HERPUD2: variants seen among roughly 807,000 people sequenced by gnomAD.
HERPUD2 encodes the protein homocysteine-responsive endoplasmic reticulum-resident ubiquitin-like domain member 2 protein.
Under a neutral mutation model 49.9 loss-of-function variants are expected in HERPUD2, and 13 were observed. That is an observed-to-expected ratio of 0.26 (90% CI 0.17 to 0.41). The LOEUF (loss-of-function observed/expected upper bound fraction) is 0.41, where lower values mean the gene tolerates loss of function less well. HERPUD2 is among the 10% of genes least tolerant of loss of function. The pLI, the probability that HERPUD2 is intolerant of heterozygous loss-of-function variation, is 1.00. For missense variants in HERPUD2, 449 were observed against 492.2 expected (o/e 0.91, Z 0.83); for synonymous variants, 172 against 171.4 (o/e 1.00, Z -0.03).
chr7:35,691,158 A>G (rs1786175182), intron 2 of HERPUD2, among the ~76,000 whole-genome samples: 1 of 152,232 alleles, frequency 6.6e-6, no homozygotes, highest in Non-Finnish European at 1.5e-5. Flanking sequence ...ATATAAATAA[A>G]TGAAGACCCA....
chr7:35,686,527 G>A (rs183063592), intron 2 of HERPUD2, among the ~76,000 whole-genome samples: 168 of 145,392 alleles, frequency 1.2e-3, no homozygotes, highest in African/African-American at 4.1e-3. Flanking sequence ...ATTTCCACCC[G>A]GCTAAAACGG....
chr7:35,638,241 C>T, intron 6 of HERPUD2, 109 bp downstream of exon 6: 1 of 1,116,874 alleles, frequency 9.0e-7, no homozygotes. Context: ...GTCAAAACAA[C>T]ATTAAATACA....
chr7:35,684,550 GACT>G (rs1785990265), intron 2 of HERPUD2, among the ~76,000 whole-genome samples: 1 of 152,032 alleles, frequency 6.6e-6, no homozygotes, highest in Non-Finnish European at 1.5e-5. Context: ...ATATGTGACG[GACT>G]ACTACTCAGC....
At chr7:35,688,895 G>A (rs62454606) in intron 2 of HERPUD2, among the ~76,000 whole-genome samples, 25,658 of 151,614 alleles carry the variant, frequency 0.17, 2,685 homozygotes, top group Non-Finnish European at 0.23. Context: ...ACCAAGCCTC[G>A]GTTTCTTCAT....
At chr7:35,636,699 G>A (rs186823477) in intron 6 of HERPUD2, among the ~76,000 whole-genome samples, 2 of 152,294 alleles carry the variant, frequency 1.3e-5, no homozygotes, top group East Asian at 3.9e-4. Context: ...CTTAGGATAC[G>A]AGGTTCATAA....
chr7:35,668,380 T>C (rs1209704150), intron 4 of HERPUD2, among the ~76,000 whole-genome samples: 26 of 152,212 alleles, frequency 1.7e-4, no homozygotes, highest in Admixed American at 1.7e-3. Flanking sequence ...TATAACTCCC[T>C]GAAGACCATC....
At chr7:35,691,251 G>A (rs186012457) in intron 2 of HERPUD2, among the ~76,000 whole-genome samples, 1 of 152,152 alleles carries the variant, frequency 6.6e-6, no homozygotes, top group Non-Finnish European at 1.5e-5. Context: ...TACCCATATG[G>A]AGACTGTGAT....
chr7:35,646,396 TA>T (rs376668191), intron 5 of HERPUD2, among the ~76,000 whole-genome samples: 138 of 146,774 alleles, frequency 9.4e-4, no homozygotes, highest in African/African-American at 2.5e-3. Flanking sequence ...ACCCTATCTC[TA>T]AAAAAAAAAA....
chr7:35,675,856 C>T (rs572309842), intron 2 of HERPUD2, among the ~76,000 whole-genome samples: 73 of 152,240 alleles, frequency 4.8e-4, no homozygotes, highest in African/African-American at 1.6e-3. Context: ...CACACTGCAG[C>T]CCCGAACTCC....
At chr7:35,683,160 G>T (rs1785952264) in intron 2 of HERPUD2, among the ~76,000 whole-genome samples, 1 of 152,120 alleles carries the variant, frequency 6.6e-6, no homozygotes, top group South Asian at 2.1e-4. Context: ...CACATTACCT[G>T]GTTTCAAACT....
At chr7:35,652,344 G>A (rs892793943) in intron 5 of HERPUD2, among the ~76,000 whole-genome samples, 9 of 152,076 alleles carry the variant, frequency 5.9e-5, no homozygotes, top group Non-Finnish European at 1.0e-4. Context: ...CCACTTCCTG[G>A]TGCCAGGGCT....
At chr7:35,674,748 C>T (rs997688763) in intron 2 of HERPUD2, among the ~76,000 whole-genome samples, 1 of 151,062 alleles carries the variant, frequency 6.6e-6, no homozygotes, top group Non-Finnish European at 1.5e-5. Context: ...ATCACGCCTA[C>T]CTAACGAAGC....
At chr7:35,684,040 C>T (rs1785974707) in intron 2 of HERPUD2, among the ~76,000 whole-genome samples, 2 of 152,156 alleles carry the variant, frequency 1.3e-5, no homozygotes, top group African/African-American at 4.8e-5. Flanking sequence ...CCATTTGATC[C>T]AGCAATCCCA....
At chr7:35,668,653 T>G (rs1785587659) in intron 4 of HERPUD2, 1 of 154,732 alleles carries the variant, frequency 6.5e-6, no homozygotes, top group Non-Finnish European at 1.5e-5. Context: ...ACCAGTCTTT[T>G]GCAAGACTAA....
chr7:35,663,143 G>C (rs1206306819), intron 5 of HERPUD2, among the ~76,000 whole-genome samples: 2 of 152,172 alleles, frequency 1.3e-5, no homozygotes, highest in African/African-American at 4.8e-5. Context: ...TAGTCATTCA[G>C]GAGCAGGTTG....
chr7:35,646,387 C>T (rs1457661331), intron 5 of HERPUD2, among the ~76,000 whole-genome samples: 3 of 151,738 alleles, frequency 2.0e-5, no homozygotes, highest in African/African-American at 7.3e-5. Flanking sequence ...CATAACGAGA[C>T]CCTATCTCTA....
rs1339440934 is a variant in HERPUD2, at chr7:35,635,296, A to G, written c.780T>C (p.Asn260=). 1 of 1,614,048 alleles carries G rather than the reference A, an allele frequency of 6.2e-7. No individual in the cohort carries two copies. The highest frequency in any genetic ancestry group is 2.2e-5 in the East Asian group (1 of 44,892). ...NRPMNENVQM[N]AQGGPVLNEE... ...CATTTAGTACTGGACCTCCCTGTGC[A>G]TTCATTTGAACATTCTCATTCATGG... is the stretch of plus-strand genomic sequence containing the variant. Residue 260 remains asparagine, a synonymous_variant, in exon 7 of 9, where the codon AAT becomes AAC. Transcript: ENST00000311350.
intron 2 of HERPUD2, among the ~76,000 whole-genome samples, chr7:35,687,727 A>G (rs1786095404): frequency 6.6e-6 from 1 of 152,204 alleles, no homozygotes; most frequent in African/African-American, 2.4e-5. Context: ...TGACCCTTTA[A>G]TGTTTAACCA....
chr7:35,686,743 AAAC>A lies in HERPUD2; in HGVS notation c.147+7438_147+7440del, dbSNP rs1425494883. On this transcript the variant is annotated intron_variant, in intron 2 of 8. Coordinates refer to ENST00000311350, the MANE Select transcript of HERPUD2 (RefSeq NM_022373.5). ...CAAAAAAAAAAAAAAAAAAAAAAAA[AAAC>A]CAAACCCATTTCCAGGCCAGGGGTG... is the stretch of plus-strand genomic sequence containing the variant. 1.2e-3 allele frequency among the ~76,000 whole-genome samples: 137 copies of A among 113,264 alleles called. 37 individuals carry two copies. The highest frequency in any genetic ancestry group is 4.4e-3 in the African/African-American group (115 of 25,934). The allele number at this position is 113,264 out of a possible 152,430, so 74.3% of individuals were successfully genotyped here.
Sources: allele counts gnomAD v4.1 joint callset (sites outside exome capture counted in the v4.1 genomes callset), GRCh38; gene constraint gnomAD v4.1.1; transcripts MANE v1.5; gene names NCBI Gene and HGNC (gene_info 2026-07-23, HGNC 2026-07-21).